Variants in AUTS2 observed in about 807,000 individuals in gnomAD.
The protein encoded by AUTS2 is autism susceptibility gene 2 protein.
A neutral mutation model predicts 112.4 loss-of-function variants in AUTS2; 17 were observed. The ratio of observed to expected loss-of-function variants is 0.15; its 90% CI spans 0.10 to 0.23. The LOEUF (loss-of-function observed/expected upper bound fraction) is 0.23. Among genes scored for constraint, AUTS2 ranks in the 10% least tolerant of loss-of-function variants. AUTS2 has a pLI of 1.00. For missense variants in AUTS2, 1,510 were observed against 1,701.6 expected (o/e 0.89, Z 1.98); for synonymous variants, 751 against 702.7 (o/e 1.07, Z -1.09).
At chr7:70,360,347 G>C (rs1265761562) in intron 4 of AUTS2, among the ~76,000 whole-genome samples, 1 of 152,050 alleles carries the variant, frequency 6.6e-6, no homozygotes, top group Non-Finnish European at 1.5e-5. Flanking sequence ...GAAACCCCTA[G>C]TGTTGTCCAG....
chr7:69,605,899 G>A (rs2129073590), intron 1 of AUTS2, among the ~76,000 whole-genome samples: 1 of 152,270 alleles, frequency 6.6e-6, no homozygotes, highest in Non-Finnish European at 1.5e-5. Flanking sequence ...ATGAATTCAA[G>A]TATTTTACTG....
intron 5 of AUTS2, among the ~76,000 whole-genome samples, chr7:70,598,714 G>A (rs1446126320): frequency 1.3e-5 from 2 of 152,170 alleles, no homozygotes; most frequent in African/African-American, 4.8e-5. Context: ...TGTTTGGTAG[G>A]ATGGTGTGAA....
chr7:70,265,876 A>G (rs1296901589), intron 4 of AUTS2, among the ~76,000 whole-genome samples: 1 of 152,202 alleles, frequency 6.6e-6, no homozygotes, highest in Non-Finnish European at 1.5e-5. Flanking sequence ...ATTAACTCTG[A>G]CTTTGAAGTA....
rs148507268 is a variant in AUTS2, at chr7:70,129,297, A to T, written c.625-5239A>T. ...CCCAGGTCAAAGCCAGGCAAAAGGAATTCTCTCTTCTCTGGGAGAGAGTCA... is the reference window on the plus strand; with the variant it reads ...CCCAGGTCAAAGCCAGGCAAAAGGATTTCTCTCTTCTCTGGGAGAGAGTCA... On this transcript the variant is annotated intron_variant, in intron 3 of 18. Transcript: ENST00000342771. Among the ~76,000 whole-genome samples the T allele has an allele frequency of 5.6e-4, 85 of 152,336 alleles. No homozygotes were observed. The East Asian group carries it at 0.013, about 24-fold the overall frequency.
chr7:70,723,443 C>T (rs1786817203), intron 6 of AUTS2, among the ~76,000 whole-genome samples: 1 of 150,414 alleles, frequency 6.6e-6, no homozygotes, highest in African/African-American at 2.5e-5. Flanking sequence ...GGCCAAACTG[C>T]CCCAGGACCA....
chr7:70,544,059 G>A (rs1460633998), intron 5 of AUTS2, among the ~76,000 whole-genome samples: 1 of 152,218 alleles, frequency 6.6e-6, no homozygotes, highest in Non-Finnish European at 1.5e-5. Flanking sequence ...GTCAGAAGGA[G>A]AATGTGTCCT....
At chr7:70,640,882 A>C (rs1805791248) in intron 5 of AUTS2, among the ~76,000 whole-genome samples, 1 of 152,104 alleles carries the variant, frequency 6.6e-6, no homozygotes. Flanking sequence ...CTTCTTGCCC[A>C]TATTCCTGCA....
chr7:70,132,770 G>A (rs568613426), intron 3 of AUTS2, among the ~76,000 whole-genome samples: 17 of 152,144 alleles, frequency 1.1e-4, no homozygotes, highest in Non-Finnish European at 1.9e-4. Flanking sequence ...TGTATGTGGG[G>A]GTAGGGAAGT....
At chr7:70,477,501 T>C (rs768767266) in intron 5 of AUTS2, among the ~76,000 whole-genome samples, 1 of 152,180 alleles carries the variant, frequency 6.6e-6, no homozygotes, top group Non-Finnish European at 1.5e-5. Flanking sequence ...TAGAAGCTGA[T>C]GGAACCTGGC....
At chr7:70,330,003 GCCTTAGTC>G (rs1790668534) in intron 4 of AUTS2, among the ~76,000 whole-genome samples, 1 of 152,106 alleles carries the variant, frequency 6.6e-6, no homozygotes, top group African/African-American at 2.4e-5. Context: ...TTGTATAAAG[GCCTTAGTC>G]CCATTCAAGA....
At chr7:70,070,408 TAAA>T (rs58320845) in intron 2 of AUTS2, among the ~76,000 whole-genome samples, 10 of 128,402 alleles carry the variant, frequency 7.8e-5, no homozygotes, top group Admixed American at 7.9e-5. Flanking sequence ...CCCCGTCTCT[TAAA>T]AAAAAAAAAA....
At position 70,789,960 on chromosome 7, in the gene AUTS2, A is replaced by C; in HGVS notation, c.2744A>C (p.His915Pro). The part of the protein sequence containing the change: ...AADEHKAKEG[H>P]LPEKDGHGHE... ...GACGAGCACAAGGCGAAAGAGGGCC[A>C]CCTGCCCGAGAAGGACGGGCACGGC... is the stretch of plus-strand genomic sequence containing the variant. Residue 915 changes from histidine to proline, a missense_variant, in exon 19 of 19, where the codon CAC (histidine) becomes CCC (proline). This residue lies in a region of AUTS2 where 788 missense variants were observed against 797.6 expected (regional missense o/e 0.99). Coordinates refer to ENST00000342771, the MANE Select transcript of AUTS2 (RefSeq NM_015570.4). 1 of 1,613,340 alleles carries C rather than the reference A, an allele frequency of 6.2e-7. No individual in the cohort carries two copies. The highest frequency in any genetic ancestry group is 8.5e-7 in the Non-Finnish European group (1 of 1,179,806).
chr7:69,602,780 C>T (rs972175548), intron 1 of AUTS2, among the ~76,000 whole-genome samples: 6 of 152,208 alleles, frequency 3.9e-5, no homozygotes, highest in African/African-American at 1.4e-4. Flanking sequence ...ATTAAAAACA[C>T]ACAATGGGAA....
intron 4 of AUTS2, among the ~76,000 whole-genome samples, chr7:70,274,173 A>G (rs1208636280): frequency 6.6e-6 from 1 of 151,932 alleles, no homozygotes; most frequent in Non-Finnish European, 1.5e-5. Flanking sequence ...TATTTGCCTT[A>G]AGTTCTTGAT....
At chr7:70,078,054 C>T (rs533623106) in intron 2 of AUTS2, among the ~76,000 whole-genome samples, 23 of 152,148 alleles carry the variant, frequency 1.5e-4, no homozygotes, top group Non-Finnish European at 2.6e-4. Flanking sequence ...CCATATTCTC[C>T]ATGGCCTGTA....
At chr7:70,538,611 G>A (rs1433195800) in intron 5 of AUTS2, among the ~76,000 whole-genome samples, 2 of 152,216 alleles carry the variant, frequency 1.3e-5, no homozygotes, top group Non-Finnish European at 2.9e-5. Flanking sequence ...TCAGGAGGAA[G>A]CGTTATATGT....
intron 5 of AUTS2, among the ~76,000 whole-genome samples, chr7:70,624,970 C>A (rs978506947): frequency 6.6e-6 from 1 of 152,114 alleles, no homozygotes; most frequent in Non-Finnish European, 1.5e-5. Context: ...CCCCAGCTCA[C>A]CAGTTTCCTC....
intron 4 of AUTS2, among the ~76,000 whole-genome samples, chr7:70,204,332 G>A (rs1004987672): frequency 1.5e-4 from 23 of 152,168 alleles, no homozygotes; most frequent in African/African-American, 5.6e-4. Flanking sequence ...CACAGTAGAA[G>A]TACAGGGATG....
intron 15 of AUTS2, 25 bp from the exon 16 acceptor site, chr7:70,784,917 G>A: frequency 6.2e-7 from 1 of 1,612,434 alleles, no homozygotes; most frequent in Non-Finnish European, 8.5e-7. Flanking sequence ...TGTAAACTCT[G>A]GTTTCGTTAT....
Sources: allele counts gnomAD v4.1 joint callset (sites outside exome capture counted in the v4.1 genomes callset), GRCh38; gene constraint gnomAD v4.1.1; regional missense constraint gnomAD v4.1.1; transcripts MANE v1.5; gene names NCBI Gene and HGNC (gene_info 2026-07-23, HGNC 2026-07-21).